Variants in ANKRD62 observed in about 807,000 individuals in gnomAD.
ANKRD62 encodes ankyrin repeat domain-containing protein 62.
In ANKRD62, 61 loss-of-function variants were observed where a neutral mutation model predicts 98.8. The ratio of observed to expected loss-of-function variants is 0.62; its 90% CI spans 0.50 to 0.76. The LOEUF (loss-of-function observed/expected upper bound fraction) is 0.76. Ranked by LOEUF, ANKRD62 falls within the 30% of genes least tolerant of loss-of-function variation. The probability of loss-of-function intolerance (pLI) is 0.00; values close to 1 mark genes in which losing one functional copy is unlikely to be tolerated. For missense variants in ANKRD62, 933 were observed against 1,082.9 expected (o/e 0.86, Z 1.94); for synonymous variants, 341 against 367.9 (o/e 0.93, Z 0.84).
chr18:12,171,346 C>A, the ANKRD62 span, among the ~76,000 whole-genome samples: 1 of 152,208 alleles, frequency 6.6e-6, no homozygotes, highest in African/African-American at 2.4e-5. Flanking sequence ...GTGACAAAAT[C>A]TCTCAGCATT....
Position 12,125,726 on chromosome 18 carries a change from C to A in ANKRD62, c.1905C>A (p.Leu635=). 6.5e-7 allele frequency: 1 copy of A among 1,543,058 alleles called. No individual in the cohort carries two copies. Among genetic ancestry groups the A allele is most frequent in the South Asian group, 1.2e-5 (1 of 84,028 alleles). The change falls in exon 13 of 14, where the codon CTC becomes CTA. Residue 635 remains leucine, a synonymous_variant. Coordinates refer to ENST00000587848, the MANE Select transcript of ANKRD62 (RefSeq NM_001277333.2). ...LNVLMDENTM[L]NSELQKEKQS... ...TTCTGATGGATGAGAATACAATGCT[C>A]AATTCTGAGCTACAGAAGGAAAAAC...
rs1268109937 is a variant in ANKRD62 at position 12,103,156 on chromosome 18, A to G, written c.821-2A>G. 2 of 1,374,226 alleles carry G rather than the reference A, an allele frequency of 1.5e-6. No homozygotes were observed. Among genetic ancestry groups the G allele is most frequent in the Non-Finnish European group, 1.9e-6 (2 of 1,055,250 alleles). 85.1% of individuals were successfully genotyped at this position (1,374,226 alleles called of 1,614,324 possible). A position where few individuals can be genotyped will look rare whatever the true frequency, so the allele number is the denominator to read the frequency against. Reference sequence around the variant, plus strand: ...TAACTAAATATATGGATTTGTGAGCAGAACAAGACTTAGAAATGACATCAG... The same window carrying G: ...TAACTAAATATATGGATTTGTGAGCGGAACAAGACTTAGAAATGACATCAG... On this transcript the variant is annotated splice_acceptor_variant, in intron 6 of 13. Coordinates refer to ENST00000587848, the MANE Select transcript of ANKRD62 (RefSeq NM_001277333.2). LOFTEE classifies it high-confidence loss of function.
At chr18:12,180,675 T>C in the ANKRD62 span, among the ~76,000 whole-genome samples, 21,985 of 148,724 alleles carry the variant, frequency 0.15, 1,667 homozygotes, top group African/African-American at 0.24. Context: ...ATTTAGAAAA[T>C]GGGAAAAGTC....
the ANKRD62 span, among the ~76,000 whole-genome samples, chr18:12,163,956 G>T: frequency 1.3e-5 from 2 of 151,742 alleles, no homozygotes; most frequent in Non-Finnish European, 2.9e-5. Flanking sequence ...TATATCACAG[G>T]TATTGTCCTA....
intron 8 of ANKRD62, among the ~76,000 whole-genome samples, chr18:12,112,668 A>G (rs1909569386): frequency 6.6e-6 from 1 of 152,258 alleles, no homozygotes; most frequent in South Asian, 2.1e-4. Context: ...AGATTTCATC[A>G]TGAAGATGCC....
chr18:12,165,677 T>C, the ANKRD62 span, among the ~76,000 whole-genome samples: 1 of 152,108 alleles, frequency 6.6e-6, no homozygotes, highest in Non-Finnish European at 1.5e-5. Context: ...ATAAGAGTAG[T>C]TTCACACCAC....
chr18:12,107,886 TATG>T lies in ANKRD62; in HGVS notation c.1064+423_1064+425del, dbSNP rs1051169615. Among the ~76,000 whole-genome samples the T allele has an allele frequency of 1.6e-4, 24 of 152,142 alleles. 1 individual carries two copies. The highest frequency in any genetic ancestry group is 3.1e-4 in the African/African-American group (13 of 41,450). On this transcript the variant is annotated intron_variant, in intron 8 of 13. Transcript: ENST00000587848. ...TCATTAATTGTATATTTATTATACA[TATG>T]ATGTAGAAGATATCTTGTATATCAT...
At position 12,115,560 on chromosome 18, in the gene ANKRD62, C is replaced by G. The variant is rs1568063118; in HGVS notation, c.1240+26C>G. 2.0e-6 allele frequency: 3 copies of G among 1,522,918 alleles called. No individual in the cohort carries two copies. The Admixed American group carries it at 6.0e-5, about 31-fold the overall frequency. The allele number at this position is 1,522,918 out of a possible 1,614,324, so 94.3% of individuals were successfully genotyped here. On this transcript the variant is annotated intron_variant, in intron 10 of 13. Transcript: ENST00000587848. Reference sequence around the variant, plus strand: ...GTAGGACCAATGCATAAATATAAGGCTCTTTCCCTATCCTATAGTAATGTA... The same window carrying G: ...GTAGGACCAATGCATAAATATAAGGGTCTTTCCCTATCCTATAGTAATGTA...
At position 12,128,163 on chromosome 18, in the gene ANKRD62, T is replaced by G. The variant is rs1170309155; in HGVS notation, c.*224T>G. 7.8e-6 allele frequency: 2 copies of G among 255,908 alleles called. No individual in the cohort carries two copies. Among genetic ancestry groups the G allele is most frequent in the South Asian group, 1.6e-4 (1 of 6,070 alleles). 15.9% of individuals were successfully genotyped at this position (255,908 alleles called of 1,614,324 possible). A position where few individuals can be genotyped will look rare whatever the true frequency, so the allele number is the denominator to read the frequency against. Reference sequence around the variant, plus strand: ...CTCACAGAAGATTAGAGAATTCTTTTTTCTTTTTACAGTATATTTTTAGTG... The same window carrying G: ...CTCACAGAAGATTAGAGAATTCTTTGTTCTTTTTACAGTATATTTTTAGTG... On this transcript the variant is annotated 3_prime_UTR_variant, in exon 14 of 14. Coordinates refer to ENST00000587848, the MANE Select transcript of ANKRD62 (RefSeq NM_001277333.2).
chr18:12,137,881 C>T, the ANKRD62 span, among the ~76,000 whole-genome samples: 5 of 152,096 alleles, frequency 3.3e-5, no homozygotes, highest in East Asian at 1.9e-4. Flanking sequence ...TCTGTGGGAT[C>T]GGTGGTGATA....
intron 13 of ANKRD62, 63 bp downstream of exon 13, chr18:12,126,446 G>A: frequency 7.8e-7 from 1 of 1,275,744 alleles, no homozygotes. Context: ...AGTATATTTG[G>A]TTATGGCTAA....
At chr18:12,154,903 G>A in the ANKRD62 span, among the ~76,000 whole-genome samples, 1 of 152,186 alleles carries the variant, frequency 6.6e-6, no homozygotes, top group African/African-American at 2.4e-5. Flanking sequence ...TCACTTATAA[G>A]TGGGAGCCTA....
the ANKRD62 span, among the ~76,000 whole-genome samples, chr18:12,167,740 A>G: frequency 6.6e-6 from 1 of 152,130 alleles, no homozygotes; most frequent in African/African-American, 2.4e-5. Flanking sequence ...GAACTAGTTT[A>G]CACTCCCAAA....
chr18:12,109,291 G>A (rs940447397), intron 8 of ANKRD62, among the ~76,000 whole-genome samples: 1 of 152,186 alleles, frequency 6.6e-6, no homozygotes, highest in Non-Finnish European at 1.5e-5. Flanking sequence ...CTTGTGTTCT[G>A]TGCACCTGTA....
intron 13 of ANKRD62, among the ~76,000 whole-genome samples, chr18:12,126,719 G>T (rs1485350645): frequency 1.3e-5 from 2 of 152,146 alleles, no homozygotes; most frequent in Non-Finnish European, 2.9e-5. Context: ...CGATAAAGCA[G>T]ATATAAAGAA....
At chr18:12,114,134 T>C (rs965525885) in intron 8 of ANKRD62, among the ~76,000 whole-genome samples, 11 of 152,132 alleles carry the variant, frequency 7.2e-5, no homozygotes, top group Non-Finnish European at 1.0e-4. Context: ...TGGCACCTTC[T>C]GGAAGGTGGA....
At chr18:12,107,140 A>G in intron 7 of ANKRD62, among the ~76,000 whole-genome samples, 155 bp from the exon 8 acceptor site, 2 of 138,538 alleles carry the variant, frequency 1.4e-5, no homozygotes, top group South Asian at 4.7e-4. Context: ...ATTATAATAT[A>G]ATTATATATA....
chr18:12,168,622 T>C, the ANKRD62 span, among the ~76,000 whole-genome samples: 1 of 152,346 alleles, frequency 6.6e-6, no homozygotes, highest in South Asian at 2.1e-4. Context: ...ATGAAGGCTC[T>C]TCTTTCATTC....
Position 12,115,078 on chromosome 18 carries a change from T to A in ANKRD62, c.1065-10T>A, listed in dbSNP as rs756586274. On this transcript the variant is annotated splice_polypyrimidine_tract_variant and intron_variant, in intron 8 of 13. Coordinates refer to ENST00000587848, the MANE Select transcript of ANKRD62 (RefSeq NM_001277333.2). ...TTTGCCTGATTGGAATTTTTTGGTTTTTTTTTTAGGCTTGCAAGGAAAACC... is the reference window on the plus strand; with the variant it reads ...TTTGCCTGATTGGAATTTTTTGGTTATTTTTTTAGGCTTGCAAGGAAAACC... 25 of 1,399,376 alleles carry A rather than the reference T, an allele frequency of 1.8e-5. No homozygotes were observed. The South Asian group carries it at 4.6e-4, about 26-fold the overall frequency. 86.7% of individuals were successfully genotyped at this position (1,399,376 alleles called of 1,614,324 possible). A position where few individuals can be genotyped will look rare whatever the true frequency, so the allele number is the denominator to read the frequency against.
Sources: allele counts gnomAD v4.1 joint callset (sites outside exome capture counted in the v4.1 genomes callset), GRCh38; gene constraint gnomAD v4.1.1; transcripts MANE v1.5; gene names NCBI Gene and HGNC (gene_info 2026-07-23, HGNC 2026-07-21).